ALS2: variants seen among roughly 807,000 people sequenced by gnomAD.
ALS2 encodes alsin.
ALS2 carries 117 observed loss-of-function variants against 203.4 expected under a neutral mutation model. The observed-to-expected ratio is 0.58, with a 90% confidence interval of 0.50 to 0.67. The LOEUF is 0.67. Ranked by LOEUF, ALS2 falls within the 30% of genes least tolerant of loss-of-function variation. The pLI is 0.00. For synonymous variants in ALS2, 718 were observed against 725.9 expected, an observed-to-expected ratio of 0.99 and a Z score of 0.17; for missense variants, 1,715 against 1,989.4, an observed-to-expected ratio of 0.86 and a Z score of 2.62.
At chr2:201,739,064 C>T (rs1692076368) in intron 11 of ALS2, among the ~76,000 whole-genome samples, 1 of 151,268 alleles carries the variant, frequency 6.6e-6, no homozygotes, top group South Asian at 2.1e-4. Flanking sequence ...CATGGGGAAA[C>T]CCGACTTTAC....
chr2:201,757,325 T>A lies in ALS2; in HGVS notation c.1471+77A>T, dbSNP rs1165779060. 8.4e-6 allele frequency: 10 copies of A among 1,193,544 alleles called. No homozygotes were observed. In the Admixed American group the frequency reaches 1.0e-4, roughly 12 times the overall value. The allele number at this position is 1,193,544 out of a possible 1,614,324, so 73.9% of individuals were successfully genotyped here. ...AGCTTCATAATTAGGACAGCTTTTTTAATAATACAGCATGCGATGTCAGGA... is the reference window on the plus strand; with the variant it reads ...AGCTTCATAATTAGGACAGCTTTTTAAATAATACAGCATGCGATGTCAGGA... On this transcript the variant is annotated intron_variant, in intron 5 of 33. Transcript: ENST00000264276.
At chr2:201,769,000 ATT>A in intron 1 of ALS2, 55 bp from the exon 2 acceptor site, 1 of 833,552 alleles carries the variant, frequency 1.2e-6, no homozygotes. Context: ...CCCCTCAGAC[ATT>A]AAAAAAAAAA....
At chr2:201,732,308 C>G (rs1388631998) in intron 13 of ALS2, among the ~76,000 whole-genome samples, 1 of 151,076 alleles carries the variant, frequency 6.6e-6, no homozygotes, top group East Asian at 1.9e-4. Flanking sequence ...AATCCTAGCA[C>G]TTTCGGAGGC....
At chr2:201,712,333 T>C (rs1430432145) in intron 25 of ALS2, among the ~76,000 whole-genome samples, 1 of 152,126 alleles carries the variant, frequency 6.6e-6, no homozygotes, top group Non-Finnish European at 1.5e-5. Context: ...CTTTAGTATA[T>C]TAAAATTATT....
intron 3 of ALS2, among the ~76,000 whole-genome samples, chr2:201,762,189 T>C (rs1693808965): frequency 6.6e-6 from 1 of 151,954 alleles, no homozygotes; most frequent in Non-Finnish European, 1.5e-5. Flanking sequence ...TAAGATAAAA[T>C]AAGCAAAAAA....
chr2:201,726,339 C>T, intron 19 of ALS2, 145 bp downstream of exon 19: 1 of 779,252 alleles, frequency 1.3e-6, no homozygotes, highest in Non-Finnish European at 2.2e-6. Flanking sequence ...ACTCCTGGCT[C>T]TCTTCATGCT....
intron 32 of ALS2, 74 bp from the exon 33 acceptor site, chr2:201,704,292 G>T: frequency 6.6e-7 from 1 of 1,509,100 alleles, no homozygotes. Context: ...TAGTTGATGG[G>T]AAAAAGAAAG....
Position 201,704,480 on chromosome 2 carries a change from A to G in ALS2, c.4812T>C (p.Val1604=). The change falls in exon 32 of 34, where the codon GTT becomes GTC. Residue 1604 remains valine, a synonymous_variant. Coordinates refer to ENST00000264276, the MANE Select transcript of ALS2 (RefSeq NM_020919.4). ...FLWSMDDLFP[V]FLYVVLRARI... ...TGGCCCGTAGCACCACATATAAGAAAACAGGAAACAAGTCATCCATGGACC... is the reference window on the plus strand; with the variant it reads ...TGGCCCGTAGCACCACATATAAGAAGACAGGAAACAAGTCATCCATGGACC... 1.2e-6 allele frequency: 2 copies of G among 1,614,116 alleles called. No individual in the cohort carries two copies. The highest frequency in any genetic ancestry group is 1.7e-6 in the Non-Finnish European group (2 of 1,180,020).
rs926757264 is a variant in ALS2 at position 201,763,341 on chromosome 2, T to C, written c.176-1523A>G. 3.1e-5 allele frequency: 6 copies of C among 190,900 alleles called. No homozygotes were observed. The South Asian group carries it at 7.6e-4, about 24-fold the overall frequency. 11.8% of individuals were successfully genotyped at this position (190,900 alleles called of 1,614,324 possible). On this transcript the variant is annotated intron_variant, in intron 3 of 33. Transcript: ENST00000264276. The stretch of plus-strand genomic sequence containing the variant: ...CTAGTGCCCAAGAAGCTGCTGATGA[T>C]GGCCAGTATCGATGACTGCTACTCC...
intron 14 of ALS2, 141 bp downstream of exon 14, chr2:201,728,911 G>T: frequency 7.5e-7 from 1 of 1,325,108 alleles, no homozygotes; most frequent in Non-Finnish European, 1.1e-6. Context: ...GTACCCATTA[G>T]TATGGTCCTT....
chr2:201,774,889 A>G (rs1411754288), intron 1 of ALS2, among the ~76,000 whole-genome samples: 3 of 152,202 alleles, frequency 2.0e-5, no homozygotes, highest in Admixed American at 1.3e-4. Context: ...CTGTAAATAC[A>G]TGACTTCCTG....
Position 201,740,396 on chromosome 2 carries a change from A to T in ALS2, c.2351+1278T>A, listed in dbSNP as rs546814485. On this transcript the variant is annotated intron_variant, in intron 11 of 33. Coordinates refer to ENST00000264276, the MANE Select transcript of ALS2 (RefSeq NM_020919.4). ...ATCTATAGGAATAACCTGTTATGTT[A>T]AAAAAAGCCCAAAGTATCAAAAGCA... 3.9e-5 allele frequency among the ~76,000 whole-genome samples: 6 copies of T among 152,272 alleles called. No homozygotes were observed. In the South Asian group the frequency reaches 1.2e-3, roughly 32 times the overall value.
At chr2:201,713,848 T>C (rs976255242) in intron 25 of ALS2, among the ~76,000 whole-genome samples, 1 of 152,248 alleles carries the variant, frequency 6.6e-6, no homozygotes, top group South Asian at 2.1e-4. Context: ...GAGATTTTCA[T>C]GGTTCTTTCA....
At chr2:201,754,157 A>G (rs1693243380) in intron 6 of ALS2, among the ~76,000 whole-genome samples, 1 of 151,734 alleles carries the variant, frequency 6.6e-6, no homozygotes, top group African/African-American at 2.4e-5. Flanking sequence ...GAATTATAGG[A>G]GCCCACCACC....
intron 1 of ALS2, among the ~76,000 whole-genome samples, chr2:201,771,764 A>G (rs1306163281): frequency 6.6e-6 from 1 of 152,252 alleles, no homozygotes; most frequent in Non-Finnish European, 1.5e-5. Flanking sequence ...GCCTAATCAT[A>G]AAACTTCCTC....
chr2:201,727,826 G>C lies in ALS2; in HGVS notation c.2842-51C>G, dbSNP rs763907484. ...TTTATGAAAGCCCATGTAGACCTCG[G>C]GGACTCTGCCCATATCCCCTTCATG... On this transcript the variant is annotated intron_variant, in intron 15 of 33. Transcript: ENST00000264276. The C allele has an allele frequency of 2.7e-6, 4 of 1,500,960 alleles. No individual in the cohort carries two copies. In the African/African-American group the frequency reaches 5.6e-5, roughly 21 times the overall value. The allele number at this position is 1,500,960 out of a possible 1,614,324, so 93.0% of individuals were successfully genotyped here.
chr2:201,749,815 C>A, intron 7 of ALS2, 26 bp from the exon 8 acceptor site: 1 of 1,593,752 alleles, frequency 6.3e-7, no homozygotes, highest in Non-Finnish European at 8.6e-7. Context: ...AGAAAAGTAG[C>A]TAAGCGTTGT....
chr2:201,724,510 C>T (rs771658460), intron 20 of ALS2, 51 bp from the exon 21 acceptor site: 24 of 1,586,946 alleles, frequency 1.5e-5, no homozygotes, highest in Middle Eastern at 1.7e-4. Context: ...AATTCTGATG[C>T]TCATTTTTAC....
In ALS2 at chr2:201,723,410, C is replaced by T; in HGVS notation, c.3544G>A (p.Asp1182Asn). Residue 1182 changes from aspartate (D) to asparagine (N), a missense_variant, in exon 22 of 34, where the codon GAT becomes AAT. Physicochemically the swap from Asp to Asn is conservative, Grantham distance 23 (BLOSUM62 1). Around this residue, in one of 3 missense-constraint regions of ALS2, gnomAD observed 1,227 missense variants for 1,413.5 expected, o/e 0.87. Transcript: ENST00000264276. ...GEKYMGMWQD[D>N]VCQGNGVVVT... ...ACCACACCATTCCCTTGACACACATCATCTTGCCACATTCCCATATACTTT... is the reference window on the plus strand; with the variant it reads ...ACCACACCATTCCCTTGACACACATTATCTTGCCACATTCCCATATACTTT... 1 of 1,614,090 alleles carries T rather than the reference C, an allele frequency of 6.2e-7. No homozygotes were observed. Among genetic ancestry groups the T allele is most frequent in the Non-Finnish European group, 8.5e-7 (1 of 1,179,964 alleles).
Sources: allele counts gnomAD v4.1 joint callset (sites outside exome capture counted in the v4.1 genomes callset), GRCh38; gene constraint gnomAD v4.1.1; regional missense constraint gnomAD v4.1.1; transcripts MANE v1.5; gene names NCBI Gene and HGNC (gene_info 2026-07-23, HGNC 2026-07-21).